Variants in ANXA4 observed in about 807,000 individuals in gnomAD.
ANXA4 encodes 35-beta calcimedin.
Under a neutral mutation model 49.8 loss-of-function variants are expected in ANXA4, and 39 were observed. The observed-to-expected ratio is 0.78, with a 90% confidence interval of 0.61 to 1.02. The LOEUF (loss-of-function observed/expected upper bound fraction) is 1.02, where lower values mean the gene tolerates loss of function less well. Ranked by LOEUF, ANXA4 falls within the 50% of genes least tolerant of loss-of-function variation. ANXA4 has a pLI of 0.00. For synonymous variants in ANXA4, 134 were observed against 152.5 expected, an observed-to-expected ratio of 0.88 and a Z score of 0.89; for missense variants, 360 against 410.1, an observed-to-expected ratio of 0.88 and a Z score of 1.05.
In ANXA4 at chr2:69,788,042, T is replaced by C. The variant is rs1219322037; in HGVS notation, c.10-12T>C. The C allele has an allele frequency of 6.2e-7, 1 of 1,612,374 alleles. No individual in the cohort carries two copies. On this transcript the variant is annotated splice_polypyrimidine_tract_variant and intron_variant, in intron 2 of 12. Coordinates refer to ENST00000394295, the MANE Select transcript of ANXA4 (RefSeq NM_001153.5). ...GCTGCCTCTCAGTAACATCACTCTC[T>C]TGTGTGCTCAGGCAACCAAAGGAGG... is the stretch of plus-strand genomic sequence containing the variant.
At chr2:69,664,829 G>C (rs534790976) in intron 2 of ANXA4, among the ~76,000 whole-genome samples, 1 of 152,158 alleles carries the variant, frequency 6.6e-6, no homozygotes, top group East Asian at 1.9e-4. Context: ...TTGGCCAGGC[G>C]CAGTGGCTTA....
chr2:69,767,326 C>T (rs1165426639), intron 1 of ANXA4, among the ~76,000 whole-genome samples: 17 of 152,156 alleles, frequency 1.1e-4, no homozygotes, highest in Non-Finnish European at 1.2e-4. Context: ...TAACCTGTTT[C>T]GACACTGGAT....
intron 3 of ANXA4, among the ~76,000 whole-genome samples, chr2:69,721,977 A>G (rs1035655940): frequency 2.0e-5 from 3 of 152,168 alleles, no homozygotes; most frequent in Non-Finnish European, 4.4e-5. Context: ...TGATTCTTTT[A>G]CCTTGGCTAT....
chr2:69,765,542 A>G (rs530273796), intron 1 of ANXA4, among the ~76,000 whole-genome samples: 28 of 152,254 alleles, frequency 1.8e-4, no homozygotes, highest in African/African-American at 6.5e-4. Flanking sequence ...ATGCTCCTCT[A>G]CAGTTAGTAT....
At chr2:69,727,741 T>C (rs1669998601) in intron 3 of ANXA4, among the ~76,000 whole-genome samples, 1 of 152,224 alleles carries the variant, frequency 6.6e-6, no homozygotes, top group Non-Finnish European at 1.5e-5. Flanking sequence ...TACATAACTG[T>C]AGCTAATCTC....
At chr2:69,775,977 A>G (rs746615155) in intron 1 of ANXA4, among the ~76,000 whole-genome samples, 2 of 150,384 alleles carry the variant, frequency 1.3e-5, no homozygotes, top group African/African-American at 4.9e-5. Flanking sequence ...TTATTTATTT[A>G]TTTATTTATT....
chr2:69,719,644 G>A (rs1219448405), intron 2 of ANXA4, among the ~76,000 whole-genome samples: 2 of 151,728 alleles, frequency 1.3e-5, no homozygotes, highest in Non-Finnish European at 2.9e-5. Flanking sequence ...TCACCATGTT[G>A]GCTGGGCTGG....
chr2:69,678,954 C>T (rs1043229742), intron 2 of ANXA4, among the ~76,000 whole-genome samples: 8 of 151,960 alleles, frequency 5.3e-5, no homozygotes, highest in Non-Finnish European at 7.4e-5. Flanking sequence ...AGCTATTTTT[C>T]TATTATGAAT....
At chr2:69,804,475 C>G in intron 3 of ANXA4, 58 bp from the exon 4 acceptor site, 1 of 1,487,582 alleles carries the variant, frequency 6.7e-7, no homozygotes, top group Non-Finnish European at 9.3e-7. Context: ...ACAGAGGAAC[C>G]TGCTTTCTCA....
intron 2 of ANXA4, among the ~76,000 whole-genome samples, chr2:69,674,662 A>G (rs917669090): frequency 6.6e-6 from 1 of 152,156 alleles, no homozygotes; most frequent in African/African-American, 2.4e-5. Context: ...GTCTATTTTT[A>G]GGGAGGAAAA....
chr2:69,816,866 C>G (rs1674016502), intron 9 of ANXA4: 1 of 152,182 alleles, frequency 6.6e-6, no homozygotes, highest in Non-Finnish European at 1.5e-5. Flanking sequence ...TAAACCCACC[C>G]ACCATACCCT....
rs368371660 is a variant in ANXA4 at position 69,806,569 on chromosome 2, C to T, written c.306+71C>T. Reference sequence around the variant, plus strand: ...CTGATGTGCTTTCTTAAGAAACTGTCACCCAATAAGAAAGACATGGAAGCA... The same window carrying T: ...CTGATGTGCTTTCTTAAGAAACTGTTACCCAATAAGAAAGACATGGAAGCA... On this transcript the variant is annotated intron_variant, in intron 5 of 12. Coordinates refer to ENST00000394295, the MANE Select transcript of ANXA4 (RefSeq NM_001153.5). 9.9e-6 allele frequency: 13 copies of T among 1,314,976 alleles called. No homozygotes were observed. In the African/African-American group the frequency reaches 1.6e-4, roughly 16 times the overall value. 81.5% of individuals were successfully genotyped at this position (1,314,976 alleles called of 1,614,324 possible). A position where few individuals can be genotyped will look rare whatever the true frequency, so the allele number is the denominator to read the frequency against.
At chr2:69,666,096 T>C (rs1466359198) in intron 2 of ANXA4, among the ~76,000 whole-genome samples, 1 of 152,008 alleles carries the variant, frequency 6.6e-6, no homozygotes, top group African/African-American at 2.4e-5. Context: ...CTCAGCTACT[T>C]GGGAGGCTGA....
chr2:69,760,286 T>G (rs1185088799), intron 1 of ANXA4, among the ~76,000 whole-genome samples: 1 of 152,190 alleles, frequency 6.6e-6, no homozygotes, highest in Non-Finnish European at 1.5e-5. Context: ...TATTTAAATA[T>G]GAGTTGGTAA....
chr2:69,773,651 C>T (rs1391804511), intron 1 of ANXA4, among the ~76,000 whole-genome samples: 263 of 25,458 alleles, frequency 0.01, 1 homozygote, highest in Middle Eastern at 0.031. Flanking sequence ...TTTTTGTTTT[C>T]GACAGAGTCT....
At chr2:69,672,799 A>G (rs1454082229) in intron 2 of ANXA4, among the ~76,000 whole-genome samples, 2 of 152,126 alleles carry the variant, frequency 1.3e-5, no homozygotes, top group African/African-American at 4.8e-5. Flanking sequence ...TTTTTTAAAG[A>G]CCTGAAACAA....
At chr2:69,742,682 A>G (rs1670446570) in intron 1 of ANXA4, among the ~76,000 whole-genome samples, 1 of 152,100 alleles carries the variant, frequency 6.6e-6, no homozygotes, top group South Asian at 2.1e-4. Flanking sequence ...GAGTCTGATT[A>G]TTATAGGGTC....
upstream of ANXA4, among the ~76,000 whole-genome samples, chr2:69,738,415 C>T (rs1670298626): frequency 1.3e-5 from 2 of 152,144 alleles, no homozygotes; most frequent in Admixed American, 6.5e-5. Flanking sequence ...TAGGCATCAT[C>T]TTAAGTTTCA....
chr2:69,663,327 T>TG (rs1676803452), intron 2 of ANXA4, among the ~76,000 whole-genome samples: 1 of 123,196 alleles, frequency 8.1e-6, no homozygotes, highest in African/African-American at 3.0e-5. Context: ...TTTTTTTTTT[T>TG]GCTAAATATA....
Sources: allele counts gnomAD v4.1 joint callset (sites outside exome capture counted in the v4.1 genomes callset), GRCh38; gene constraint gnomAD v4.1.1; transcripts MANE v1.5; gene names NCBI Gene and HGNC (gene_info 2026-07-23, HGNC 2026-07-21).